ANKFN1: variants seen among roughly 807,000 people sequenced by gnomAD.
ANKFN1 encodes ankyrin repeat and fibronectin type III domain containing 1.
Under a neutral mutation model 108.7 loss-of-function variants are expected in ANKFN1, and 74 were observed. The observed-to-expected ratio is 0.68, with a 90% confidence interval of 0.56 to 0.83. The LOEUF (loss-of-function observed/expected upper bound fraction) is 0.83, where lower values mean the gene tolerates loss of function less well. ANKFN1 is among the 40% of genes least tolerant of loss of function. The pLI, the probability that ANKFN1 is intolerant of heterozygous loss-of-function variation, is 0.00. For missense variants in ANKFN1, 1,505 were observed against 1,382.3 expected (o/e 1.09, Z -1.41); for synonymous variants, 547 against 516.2 (o/e 1.06, Z -0.81).
chr17:56,147,825 G>T lies in ANKFN1; in HGVS notation c.289-80092G>T, dbSNP rs1039687847. 2.6e-5 allele frequency among the ~76,000 whole-genome samples: 4 copies of T among 152,176 alleles called. No homozygotes were observed. In the South Asian group the frequency reaches 8.3e-4, roughly 32 times the overall value. ...AGTTTCCAGATATGGAAACAGAGAG[G>T]TTATGGGAATGGACTACTTGTGTCA... On this transcript the variant is annotated intron_variant, in intron 4 of 12. Coordinates refer to the ANKFN1 transcript ENST00000635860.
At chr17:56,400,216 T>C (rs1331261515) in intron 8 of ANKFN1, among the ~76,000 whole-genome samples, 1 of 152,072 alleles carries the variant, frequency 6.6e-6, no homozygotes, top group Non-Finnish European at 1.5e-5. Context: ...TGTAGAAATG[T>C]TCCCTGATCA....
chr17:56,285,780 C>A (rs927846341), intron 3 of ANKFN1, among the ~76,000 whole-genome samples: 2 of 152,058 alleles, frequency 1.3e-5, no homozygotes, highest in Non-Finnish European at 2.9e-5. Flanking sequence ...CTCTCCCTTT[C>A]CAAATAATCC....
chr17:56,277,042 C>T (rs1400259800), intron 3 of ANKFN1, among the ~76,000 whole-genome samples: 3 of 152,186 alleles, frequency 2.0e-5, no homozygotes, highest in Non-Finnish European at 4.4e-5. Context: ...ATGGGTTACC[C>T]CCACTAACTC....
chr17:56,294,003 T>C (rs1349863167), intron 3 of ANKFN1, among the ~76,000 whole-genome samples: 2 of 152,210 alleles, frequency 1.3e-5, no homozygotes, highest in Non-Finnish European at 2.9e-5. Context: ...AAAGGAGGAA[T>C]CCTTTAGGGG....
chr17:56,149,952 G>A (rs1226546642), upstream of ANKFN1, among the ~76,000 whole-genome samples: 1 of 152,174 alleles, frequency 6.6e-6, no homozygotes, highest in Non-Finnish European at 1.5e-5. Context: ...TTCTGAGGAG[G>A]TGTAGATCTT....
At chr17:56,453,391 G>A (rs149213170) in intron 11 of ANKFN1, among the ~76,000 whole-genome samples, 1 of 151,944 alleles carries the variant, frequency 6.6e-6, no homozygotes. Context: ...TTGTGCATTT[G>A]CTTGTTTTTC....
chr17:56,299,335 C>T (rs528771986), intron 3 of ANKFN1, among the ~76,000 whole-genome samples: 2 of 152,254 alleles, frequency 1.3e-5, no homozygotes, highest in African/African-American at 2.4e-5. Context: ...TCCTCTCCCC[C>T]ACCCTTGGAT....
At chr17:56,487,365 A>T (rs1456901188) in intron 18 of ANKFN1, among the ~76,000 whole-genome samples, 1 of 152,166 alleles carries the variant, frequency 6.6e-6, no homozygotes, top group African/African-American at 2.4e-5. Flanking sequence ...AAACTTTATC[A>T]GGTGACGTGG....
At chr17:56,108,225 G>A (rs748708240) in intron 4 of ANKFN1, among the ~76,000 whole-genome samples, 20 of 152,150 alleles carry the variant, frequency 1.3e-4, no homozygotes, top group East Asian at 3.9e-4. Flanking sequence ...TAGTAGAGAC[G>A]GGGTTTCACC....
intron 1 of ANKFN1, among the ~76,000 whole-genome samples, chr17:56,205,865 C>T (rs554045280): frequency 2.9e-4 from 44 of 152,276 alleles, no homozygotes; most frequent in African/African-American, 1.0e-3. Flanking sequence ...GTCAGAATCT[C>T]TTGGTTAATA....
intron 4 of ANKFN1, among the ~76,000 whole-genome samples, chr17:56,049,620 C>A (rs989479003): frequency 6.6e-6 from 1 of 151,494 alleles, no homozygotes; most frequent in African/African-American, 2.4e-5. Flanking sequence ...CAATTCCCAC[C>A]TATGAGTGAG....
chr17:56,077,969 T>C (rs1210689666), intron 4 of ANKFN1, among the ~76,000 whole-genome samples: 6 of 152,208 alleles, frequency 3.9e-5, no homozygotes, highest in Non-Finnish European at 7.3e-5. Flanking sequence ...ATGGAGAAAT[T>C]TTAGATTGTA....
intron 19 of ANKFN1, among the ~76,000 whole-genome samples, chr17:56,495,869 T>G (rs1283128880): frequency 1.3e-5 from 2 of 152,150 alleles, no homozygotes; most frequent in Non-Finnish European, 2.9e-5. Context: ...AATAAAAATA[T>G]TATCTTGCCT....
intron 4 of ANKFN1, among the ~76,000 whole-genome samples, chr17:56,335,244 A>T (rs923253317): frequency 5.3e-5 from 8 of 152,038 alleles, no homozygotes; most frequent in Non-Finnish European, 1.2e-4. Context: ...AGTTTTTTCC[A>T]ATTCTGTGAA....
rs558290556 is a variant in ANKFN1 at position 56,264,772 on chromosome 17, G to A, written c.53+36815G>A. On this transcript the variant is annotated intron_variant, in intron 3 of 20. Transcript: ENST00000682825. ...GGCTTCAGTTTTCTCATTTGTAAAT[G>A]ACTACATTGGGCTGTTAACAATGAC... Among the ~76,000 whole-genome samples, 11 of 152,254 alleles carry A rather than the reference G, an allele frequency of 7.2e-5. No individual in the cohort carries two copies. The South Asian group carries it at 2.3e-3, about 32-fold the overall frequency.
chr17:56,390,824 C>T (rs760156926), intron 8 of ANKFN1, among the ~76,000 whole-genome samples: 3 of 151,758 alleles, frequency 2.0e-5, no homozygotes, highest in African/African-American at 4.8e-5. Context: ...TTCATATGTT[C>T]GTTGGCCACA....
At chr17:56,446,880 A>T (rs1401839464) in intron 10 of ANKFN1, among the ~76,000 whole-genome samples, 1 of 150,826 alleles carries the variant, frequency 6.6e-6, no homozygotes, top group African/African-American at 2.4e-5. Context: ...ACTCCAGCCT[A>T]GGCAACAGAA....
At chr17:56,502,099 G>C (rs1252447425) in intron 20 of ANKFN1, among the ~76,000 whole-genome samples, 1 of 152,132 alleles carries the variant, frequency 6.6e-6, no homozygotes, top group East Asian at 1.9e-4. Context: ...TTTTAAGGCA[G>C]GAAAGCTATG....
rs994898538 is a variant in ANKFN1, at chr17:56,109,063, A to G, written c.288+62738A>G. ...CTGGGTAAAAGTCTCAGCTCTGCCT[A>G]GCTGTGTGGTCTTGGGCAACTTGCT... is the stretch of plus-strand genomic sequence containing the variant. On this transcript the variant is annotated intron_variant, in intron 4 of 12. Coordinates refer to the ANKFN1 transcript ENST00000635860. Among the ~76,000 whole-genome samples the G allele has an allele frequency of 2.6e-5, 4 of 152,214 alleles. No homozygotes were observed. In the South Asian group the frequency reaches 8.3e-4, roughly 32 times the overall value.
Sources: gnomAD v4.1 joint callset for allele counts (sites outside exome capture counted in the v4.1 genomes callset) on GRCh38, gnomAD v4.1.1 for gene constraint, MANE v1.5 for transcripts, NCBI Gene and HGNC (gene_info 2026-07-23, HGNC 2026-07-21) for gene names.